Variants in KIF13A observed in about 807,000 individuals in gnomAD.
KIF13A encodes kinesin family member 13A, also known as kinesin-like protein KIF13A.
In KIF13A, 79 loss-of-function variants were observed where a neutral mutation model predicts 212.2. The ratio of observed to expected loss-of-function variants is 0.37; its 90% CI spans 0.31 to 0.45. KIF13A has a LOEUF of 0.45. Among genes scored for constraint, KIF13A ranks in the 20% least tolerant of loss-of-function variants. KIF13A has a pLI of 1.00. For missense variants in KIF13A, 1,901 were observed against 2,209.0 expected, an observed-to-expected ratio of 0.86 and a Z score of 2.79; for synonymous variants, 789 against 808.6, an observed-to-expected ratio of 0.98 and a Z score of 0.41.
Position 17,845,170 on chromosome 6 carries a change from G to A in KIF13A, c.830+4207C>T, listed in dbSNP as rs1245335994. 4.6e-5 allele frequency among the ~76,000 whole-genome samples: 7 copies of A among 152,086 alleles called. No homozygotes were observed. In the South Asian group the frequency reaches 8.3e-4, roughly 18 times the overall value. ...TCCCCTTATAAAACCATCGGATCTC[G>A]TGAGACTTATTCACGACCATGAGAA... On this transcript the variant is annotated intron_variant, in intron 9 of 38. Coordinates refer to ENST00000259711, the MANE Select transcript of KIF13A (RefSeq NM_022113.6).
At position 17,856,063 on chromosome 6, in the gene KIF13A, AC is replaced by A; in HGVS notation, c.279del (p.Tyr94IlefsTer19). 6.2e-7 allele frequency: 1 copy of A among 1,613,640 alleles called. No homozygotes were observed. Among genetic ancestry groups the A allele is most frequent in the Non-Finnish European group, 8.5e-7 (1 of 1,179,636 alleles). ...GEGILEKAFQ[G>X]YNACIFAYGQ... ...CCATATGCAAAAATACACGCATTAT[AC>A]CCCTGAAAGGCTTTTTCAAGAATTC... is the stretch of plus-strand genomic sequence containing the variant. On this transcript the variant is annotated frameshift_variant, in exon 5 of 39. Transcript: ENST00000259711. LOFTEE classifies it high-confidence loss of function. This position sits in a 1 kb window ranked among gnomAD's most constrained non-coding sequence, Gnocchi z 4.5.
rs778050727 is a variant in KIF13A at position 17,834,041 on chromosome 6, G to A, written c.1186C>T (p.Leu396Phe). 4.4e-6 allele frequency: 7 copies of A among 1,598,938 alleles called. No homozygotes were observed. The highest frequency in any genetic ancestry group is 5.1e-6 in the Non-Finnish European group (6 of 1,176,782). The change falls in exon 12 of 39, where the codon CTC (leucine) becomes TTC (phenylalanine). Residue 396 changes from leucine (L) to phenylalanine (F), a missense_variant. Leu to Phe is a conservative substitution (Grantham distance 22). Transcript: ENST00000259711. The surrounding 1 kb of genome is among the most constrained non-coding windows in gnomAD (Gnocchi z 4.0). ...TTTATCAGCTTTTCAGACTCTTCGA[G>A]CTTCTCCTTCAGTTCAGGGGCCTTC... ...AMKAPELKEK[L>F]EESEKLIKEL...
At chr6:17,975,263 G>C (rs912926629) in intron 2 of KIF13A, among the ~76,000 whole-genome samples, 1 of 152,204 alleles carries the variant, frequency 6.6e-6, no homozygotes, top group African/African-American at 2.4e-5. Flanking sequence ...TCAGGCAGGA[G>C]AATTGTTTGA....
Position 17,832,652 on chromosome 6 carries a change from T to A in KIF13A, c.1266+1309A>T, listed in dbSNP as rs527804156. On this transcript the variant is annotated intron_variant, in intron 12 of 38. Coordinates refer to ENST00000259711, the MANE Select transcript of KIF13A (RefSeq NM_022113.6). ...GACTCCATCTCAATAAAAAATTAAA[T>A]AAATAAAAATAAAATAAAATAAAAT... Among the ~76,000 whole-genome samples the A allele has an allele frequency of 1.8e-4, 27 of 149,374 alleles. 1 individual carries two copies. In the South Asian group the frequency reaches 5.3e-3, roughly 29 times the overall value.
chr6:17,855,490 C>T lies in KIF13A; in HGVS notation c.441G>A (p.Val147=), dbSNP rs760396224. ...TCTCATTATAAATTTCCATATAGGA[C>T]ACTTCAACTTTAAAGGTCTGTGACT... ...QNESQTFKVE[V]SYMEIYNEKV... Residue 147 remains valine (V), a synonymous_variant, in exon 6 of 39, where the codon GTG becomes GTA. Coordinates refer to ENST00000259711, the MANE Select transcript of KIF13A (RefSeq NM_022113.6). This position sits in a 1 kb window ranked among gnomAD's most constrained non-coding sequence, Gnocchi z 4.1. 1.2e-5 allele frequency: 19 copies of T among 1,613,700 alleles called. No individual in the cohort carries two copies. The highest frequency in any genetic ancestry group is 1.4e-5 in the Non-Finnish European group (17 of 1,179,728).
At chr6:17,765,081 T>G in intron 38 of KIF13A, 135 bp from the exon 39 acceptor site, 3 of 691,810 alleles carry the variant, frequency 4.3e-6, no homozygotes, top group Non-Finnish European at 7.1e-6. Context: ...CTTTCCAAAT[T>G]TGGCCAGATC....
chr6:17,761,708 T>C (rs1404631375), downstream of KIF13A, among the ~76,000 whole-genome samples: 1 of 152,128 alleles, frequency 6.6e-6, no homozygotes, highest in Non-Finnish European at 1.5e-5. Context: ...GAGAAAAATC[T>C]CCATAATCCC....
In KIF13A at chr6:17,787,615, C is replaced by T. The variant is rs1472580376; in HGVS notation, c.3361+161G>A. Among the ~76,000 whole-genome samples, 1 of 152,152 alleles carries T rather than the reference C, an allele frequency of 6.6e-6. No individual in the cohort carries two copies. Among genetic ancestry groups the T allele is most frequent in the Non-Finnish European group, 1.5e-5 (1 of 68,034 alleles). On this transcript the variant is annotated intron_variant, in intron 27 of 38. Transcript: ENST00000259711. This position sits in a 1 kb window ranked among gnomAD's most constrained non-coding sequence, Gnocchi z 4.6. Reference sequence around the variant, plus strand: ...GCAGTGAGATATGATCCTGCCACTGCACTCCAGCTTGGGTGACAGAGTGAG... The same window carrying T: ...GCAGTGAGATATGATCCTGCCACTGTACTCCAGCTTGGGTGACAGAGTGAG...
At position 17,856,513 on chromosome 6, in the gene KIF13A, A is replaced by ATGTTAT. The variant is rs2150407438; in HGVS notation, c.221-392_221-391insATAACA. Among the ~76,000 whole-genome samples, 1 of 152,310 alleles carries ATGTTAT rather than the reference A, an allele frequency of 6.6e-6. No homozygotes were observed. Among genetic ancestry groups the ATGTTAT allele is most frequent in the African/African-American group, 2.4e-5 (1 of 41,568 alleles). ...CACTGAACAAGACCATGTTATACAC[A>ATGTTAT]CCTTGGTATCTCCCTCAGCACCTAG... On this transcript the variant is annotated intron_variant, in intron 4 of 38. Transcript: ENST00000259711. This position sits in a 1 kb window ranked among gnomAD's most constrained non-coding sequence, Gnocchi z 4.5.
intron 2 of KIF13A, among the ~76,000 whole-genome samples, chr6:17,933,340 G>A (rs1776173821): frequency 6.6e-6 from 1 of 151,482 alleles, no homozygotes. Flanking sequence ...TCAACCTCCT[G>A]AGCTCAAGTG....
At chr6:17,970,714 G>T (rs1035825864) in intron 2 of KIF13A, among the ~76,000 whole-genome samples, 5 of 152,084 alleles carry the variant, frequency 3.3e-5, no homozygotes, top group Non-Finnish European at 7.4e-5. Context: ...TCCTCTTACT[G>T]AATTCTTTCT....
At chr6:17,770,361 A>ATTTTTTTTTGTT (rs1759381977) in intron 38 of KIF13A, 1 of 119,446 alleles carries the variant, frequency 8.4e-6, no homozygotes, top group African/African-American at 2.9e-5. Context: ...AATAAACAGG[A>ATTTTTTTTTGTT]TTTTTTTTTT....
chr6:17,853,427 A>G (rs887486586), intron 6 of KIF13A, among the ~76,000 whole-genome samples: 2 of 152,188 alleles, frequency 1.3e-5, no homozygotes, highest in African/African-American at 4.8e-5. Context: ...CACTTTGGAT[A>G]ACAGTTTGCG....
At chr6:17,761,360 C>T (rs368381205), downstream of KIF13A, among the ~76,000 whole-genome samples, 7 of 151,922 alleles carry the variant, frequency 4.6e-5, no homozygotes, top group East Asian at 3.9e-4. Flanking sequence ...GGACTACGGG[C>T]GTGAGCCACT....
intron 17 of KIF13A, among the ~76,000 whole-genome samples, chr6:17,815,200 G>A (rs6918261): frequency 0.39 from 59,848 of 152,124 alleles, 11,919 homozygotes; most frequent in South Asian, 0.47. Flanking sequence ...AAGTACTTTC[G>A]CTAATCCTGT....
rs542831449 is a variant in KIF13A at position 17,966,369 on chromosome 6, T to C, written c.146+20685A>G. The stretch of plus-strand genomic sequence containing the variant: ...CATGAGAATACCCTAGTATACCCAT[T>C]AGAATTTGTCTCTAATGTCCTTTTC... On this transcript the variant is annotated intron_variant, in intron 2 of 38. Transcript: ENST00000259711. Among the ~76,000 whole-genome samples the C allele has an allele frequency of 3.3e-5, 5 of 152,102 alleles. No individual in the cohort carries two copies. The South Asian group carries it at 8.3e-4, about 25-fold the overall frequency.
downstream of KIF13A, among the ~76,000 whole-genome samples, chr6:17,762,923 T>C (rs550128386): frequency 1.3e-5 from 2 of 152,334 alleles, no homozygotes; most frequent in Non-Finnish European, 2.9e-5. Context: ...ATGGAGTAAC[T>C]TGCTCGCAAA....
intron 2 of KIF13A, among the ~76,000 whole-genome samples, chr6:17,907,585 G>A (rs1412122231): frequency 1.3e-5 from 2 of 151,420 alleles, no homozygotes; most frequent in Admixed American, 6.6e-5. Context: ...GTATGACAAC[G>A]TGGAGTTAGA....
In KIF13A at chr6:17,814,646, G is replaced by A. The variant is rs544426498; in HGVS notation, c.2000+2374C>T. 7.9e-5 allele frequency among the ~76,000 whole-genome samples: 12 copies of A among 152,268 alleles called. No individual in the cohort carries two copies. The South Asian group carries it at 2.5e-3, about 32-fold the overall frequency. ...CAAACTCTGTTTTTTTCACTTCCTAGATGGTTGATTAAGGCAGGATATTTA... is the reference window on the plus strand; with the variant it reads ...CAAACTCTGTTTTTTTCACTTCCTAAATGGTTGATTAAGGCAGGATATTTA... On this transcript the variant is annotated intron_variant, in intron 17 of 38. Transcript: ENST00000259711.
Sources: allele counts gnomAD v4.1 joint callset (sites outside exome capture counted in the v4.1 genomes callset), GRCh38; gene constraint gnomAD v4.1.1; non-coding constraint Gnocchi (gnomAD v3.1); transcripts MANE v1.5; gene names NCBI Gene and HGNC (gene_info 2026-07-23, HGNC 2026-07-21).